Variants in MFSD12 observed in about 807,000 individuals in gnomAD.
MFSD12 encodes major facilitator superfamily domain-containing protein 12.
A neutral mutation model predicts 51.2 loss-of-function variants in MFSD12; 67 were observed. The observed-to-expected ratio is 1.31, with a 90% CI of 1.08 to 1.60. The LOEUF (loss-of-function observed/expected upper bound fraction) is 1.60. Ranked by LOEUF, MFSD12 falls within the 40% of genes most tolerant of loss-of-function variation. The pLI, the probability that MFSD12 is intolerant of heterozygous loss-of-function variation, is 0.00. For missense variants in MFSD12, 921 were observed against 673.0 expected (o/e 1.37, Z -4.08); for synonymous variants, 441 against 316.7 (o/e 1.39, Z -4.17).
chr19:3,547,494 G>C lies in MFSD12; in HGVS notation c.891C>G (p.Tyr297Ter). 6.2e-7 allele frequency: 1 copy of C among 1,613,164 alleles called. No homozygotes were observed. Among genetic ancestry groups the C allele is most frequent in the Middle Eastern group, 1.6e-4 (1 of 6,062 alleles). The change falls in exon 5 of 10, where the codon TAC becomes TAG. Residue 297 changes from tyrosine to a stop codon, truncating the protein, a stop_gained. Transcript: ENST00000355415. LOFTEE classifies it high-confidence loss of function. ...TRLIVNLSQT[Y>*]MAMYLTYSLH... is the part of the protein sequence containing the mutation. ...GCGAGTAGGTGAGGTACATGGCCAT[G>C]TAGGTCTGGGACAGGTTCACGATGA...
At chr19:3,556,843 C>CACAG (rs1040185736) in intron 1 of MFSD12, among the ~76,000 whole-genome samples, 1 of 143,654 alleles carries the variant, frequency 7.0e-6, no homozygotes, top group African/African-American at 2.5e-5. Context: ...AGGCCATGGG[C>CACAG]ACAGACAGAC....
At chr19:3,548,442 G>A (rs764175735) in intron 2 of MFSD12, among the ~76,000 whole-genome samples, 175 bp from the exon 3 acceptor site, 7 of 152,150 alleles carry the variant, frequency 4.6e-5, no homozygotes, top group Non-Finnish European at 4.4e-5. Context: ...TCCCCAGCCC[G>A]CACATTACCT....
rs1599819227 is a variant in MFSD12, at chr19:3,544,613, A to G, written c.*97T>C. 1 of 1,262,288 alleles carries G rather than the reference A, an allele frequency of 7.9e-7. No homozygotes were observed. Among genetic ancestry groups the G allele is most frequent in the Admixed American group, 2.2e-5 (1 of 44,864 alleles). The allele number at this position is 1,262,288 out of a possible 1,614,324, so 78.2% of individuals were successfully genotyped here. ...AGGATGGAGGGTGGGGGTCCAGAGA[A>G]GAGTGAGGGGCAGTGGGGGCTTTTC... On this transcript the variant is annotated 3_prime_UTR_variant, in exon 10 of 10. Coordinates refer to ENST00000355415, the MANE Select transcript of MFSD12 (RefSeq NM_174983.5).
At chr19:3,547,223 A>G (rs1347230650) in intron 6 of MFSD12, 49 bp downstream of exon 6, 33 of 1,516,244 alleles carry the variant, frequency 2.2e-5, no homozygotes, top group Non-Finnish European at 2.8e-5. Context: ...TCTCGGCTGC[A>G]GGGCACCCCA....
intron 4 of MFSD12, 42 bp downstream of exon 4, chr19:3,547,806 G>A: frequency 1.4e-6 from 2 of 1,460,204 alleles, no homozygotes. Context: ...CCTGTGGGTG[G>A]GAGAGAAGGC....
intron 6 of MFSD12, among the ~76,000 whole-genome samples, 199 bp downstream of exon 6, chr19:3,547,073 C>G (rs1054460281): frequency 6.6e-6 from 1 of 152,166 alleles, no homozygotes. Flanking sequence ...CTCCTGACCT[C>G]GTGATCCGCC....
downstream of MFSD12, among the ~76,000 whole-genome samples, chr19:3,540,470 A>G (rs8105620): frequency 7.4e-5 from 11 of 149,444 alleles, no homozygotes; most frequent in South Asian, 6.7e-4. Context: ...GTTGGCCAGG[A>G]TGGTCTCGAT....
In MFSD12 at chr19:3,551,681, C is replaced by G. The variant is rs1013675151; in HGVS notation, c.299-487G>C. Among the ~76,000 whole-genome samples, 1 of 152,196 alleles carries G rather than the reference C, an allele frequency of 6.6e-6. No individual in the cohort carries two copies. The highest frequency in any genetic ancestry group is 6.5e-5 in the Admixed American group (1 of 15,278). ...ACAGTCAGGAAATAGCACCCGCCCC[C>G]ACCTGAGATCTGCGGTGGCAAGGCC... On this transcript the variant is annotated intron_variant, in intron 1 of 9. Transcript: ENST00000355415. This position sits in a 1 kb window ranked among gnomAD's most constrained non-coding sequence, Gnocchi z 4.6.
downstream of MFSD12, chr19:3,542,743 A>G (rs375567264): frequency 1.5e-6 from 2 of 1,336,920 alleles, no homozygotes; most frequent in Non-Finnish European, 9.9e-7. Flanking sequence ...TCAGCCTCCC[A>G]AAGTGCTGGG....
Position 3,546,186 on chromosome 19 carries a change from A to C in MFSD12, c.1195-18T>G, listed in dbSNP as rs900105335. The C allele has an allele frequency of 3.1e-6, 5 of 1,611,702 alleles. No homozygotes were observed. The Admixed American group carries it at 6.7e-5, about 21-fold the overall frequency. ...CCGCTGTTCTGTGGAGACACAGGCG[A>C]GGTGGTCAGCGTGCACCCCGAGATC... is the stretch of plus-strand genomic sequence containing the variant. On this transcript the variant is annotated intron_variant, in intron 7 of 9. Coordinates refer to ENST00000355415, the MANE Select transcript of MFSD12 (RefSeq NM_174983.5).
At chr19:3,545,267 G>C (rs1318074858) in intron 8 of MFSD12, among the ~76,000 whole-genome samples, 2 of 152,174 alleles carry the variant, frequency 1.3e-5, no homozygotes, top group Non-Finnish European at 2.9e-5. Context: ...AACCACCAGA[G>C]GGCGTCTGTG....
chr19:3,553,638 C>T (rs952728277), intron 1 of MFSD12, among the ~76,000 whole-genome samples: 4 of 136,136 alleles, frequency 2.9e-5, no homozygotes, highest in South Asian at 5.1e-4. Context: ...GGCGTGGCGG[C>T]GGGCGCCTGT....
chr19:3,538,833 C>T (rs563392888), intron 4 of MFSD12: 253 of 561,620 alleles, frequency 4.5e-4, no homozygotes, highest in Non-Finnish European at 5.9e-4. Flanking sequence ...CCTGCGACCC[C>T]GGCCAGGCAC....
At chr19:3,540,539 A>G (rs967851306), downstream of MFSD12, among the ~76,000 whole-genome samples, 7 of 149,888 alleles carry the variant, frequency 4.7e-5, no homozygotes, top group Non-Finnish European at 8.9e-5. Context: ...TACAGGCGTG[A>G]GGCACCGCGC....
chr19:3,541,395 TCA>T (rs2030399984), downstream of MFSD12, among the ~76,000 whole-genome samples: 1 of 149,902 alleles, frequency 6.7e-6, no homozygotes, highest in Non-Finnish European at 1.5e-5. Context: ...TGATCTCAGC[TCA>T]CTGCAACCTC....
In MFSD12 at chr19:3,547,585, G is replaced by A. The variant is rs564249413; in HGVS notation, c.838-38C>T. On this transcript the variant is annotated intron_variant, in intron 4 of 9. Coordinates refer to ENST00000355415, the MANE Select transcript of MFSD12 (RefSeq NM_174983.5). ...CGACAGAGGGACTGGCAGGGGTCAG[G>A]AGGGCCTTCTCCACTCCCACCAGCA... The A allele has an allele frequency of 7.1e-6, 11 of 1,559,364 alleles. No individual in the cohort carries two copies. In the East Asian group the frequency reaches 2.3e-4, roughly 33 times the overall value.
chr19:3,543,050 C>G (rs2030560701), downstream of MFSD12: 5 of 1,603,666 alleles, frequency 3.1e-6, no homozygotes, highest in Non-Finnish European at 4.2e-6. Flanking sequence ...GAGTCAGCCT[C>G]TCTCCTCAAG....
At chr19:3,539,106 C>T in intron 4 of MFSD12, 1 of 1,030,312 alleles carries the variant, frequency 9.7e-7, no homozygotes, top group Non-Finnish European at 1.5e-6. Context: ...TGCCGAGACA[C>T]TGGGTGGCCT....
chr19:3,555,257 C>T (rs958916927), intron 1 of MFSD12, among the ~76,000 whole-genome samples: 2 of 152,182 alleles, frequency 1.3e-5, no homozygotes, highest in South Asian at 2.1e-4. Context: ...TACAGGCGTG[C>T]GCCACCACGC....
Sources: gnomAD v4.1 joint callset for allele counts (sites outside exome capture counted in the v4.1 genomes callset) on GRCh38, gnomAD v4.1.1 for gene constraint, Gnocchi (gnomAD v3.1) non-coding constraint, MANE v1.5 for transcripts, NCBI Gene and HGNC (gene_info 2026-07-23, HGNC 2026-07-21) for gene names.